Variants in EXOC1 observed in about 807,000 individuals in gnomAD.
The protein encoded by EXOC1 is exocyst complex component 1, also known as SEC3-like 1.
A neutral mutation model predicts 107.7 loss-of-function variants in EXOC1; 67 were observed. The observed-to-expected ratio is 0.62, with a 90% CI of 0.51 to 0.76. The LOEUF is 0.76. Among genes scored for constraint, EXOC1 ranks in the 30% least tolerant of loss-of-function variants. EXOC1 has a pLI of 0.00. For missense variants in EXOC1, 833 were observed against 1,055.7 expected, an observed-to-expected ratio of 0.79 and a Z score of 2.92; for synonymous variants, 348 against 353.5, an observed-to-expected ratio of 0.98 and a Z score of 0.17.
chr4:55,888,881 A>G lies in EXOC1; in HGVS notation c.1331-7A>G. 6.2e-7 allele frequency: 1 copy of G among 1,613,610 alleles called. No homozygotes were observed. The highest frequency in any genetic ancestry group is 2.2e-5 in the East Asian group (1 of 44,780). ...GTCTTTGATGCTTGCAACCTAATCC[A>G]TCACAGCTACACTGCCTCGAAAAGA... On this transcript the variant is annotated splice_polypyrimidine_tract_variant and splice_region_variant and intron_variant, in intron 10 of 18. Coordinates refer to ENST00000381295, the MANE Select transcript of EXOC1 (RefSeq NM_001024924.2).
At chr4:55,892,564 GC>G in intron 13 of EXOC1, 70 bp from the exon 14 acceptor site, 1 of 1,229,890 alleles carries the variant, frequency 8.1e-7, no homozygotes, top group Non-Finnish European at 1.2e-6. Flanking sequence ...GACTGAGCAG[GC>G]TTTTGCTATA....
intron 9 of EXOC1, among the ~76,000 whole-genome samples, chr4:55,878,472 C>T (rs934148289): frequency 1.8e-4 from 28 of 152,152 alleles, no homozygotes; most frequent in African/African-American, 5.1e-4. Flanking sequence ...TTCCAGGCAC[C>T]TGGGGCCTAC....
At chr4:55,898,928 ATGGAATTAC>A (rs1725561781) in intron 16 of EXOC1, among the ~76,000 whole-genome samples, 1 of 152,142 alleles carries the variant, frequency 6.6e-6, no homozygotes, top group South Asian at 2.1e-4. Flanking sequence ...ATTACTAGAA[ATGGAATTAC>A]TGGGTCAAAG....
intron 12 of EXOC1, 47 bp from the exon 13 acceptor site, chr4:55,891,268 C>T (rs759252390): frequency 1.8e-6 from 2 of 1,135,374 alleles, no homozygotes; most frequent in Non-Finnish European, 2.7e-6. Flanking sequence ...TTATTTTAAG[C>T]ATTTGGTGCA....
chr4:55,878,006 T>C lies in EXOC1; in HGVS notation c.1164T>C (p.Tyr388=), dbSNP rs1188008609. 2 of 1,613,906 alleles carry C rather than the reference T, an allele frequency of 1.2e-6. No individual in the cohort carries two copies. The highest frequency in any genetic ancestry group is 1.7e-6 in the Non-Finnish European group (2 of 1,179,876). The change falls in exon 9 of 19, where the codon TAT becomes TAC. Residue 388 remains tyrosine, a synonymous_variant. Transcript: ENST00000381295. ...CATTTCATAGAGATTTGCTCCGATA[T>C]GCCAAGCTGATGGAGTGGCTAAAGA... ...HHPFHRDLLR[Y]AKLMEWLKST...
chr4:55,878,040 T>A lies in EXOC1; in HGVS notation c.1198T>A (p.Tyr400Asn), dbSNP rs1329997677. 6.2e-7 allele frequency: 1 copy of A among 1,613,480 alleles called. No homozygotes were observed. Among genetic ancestry groups the A allele is most frequent in the Non-Finnish European group, 8.5e-7 (1 of 1,179,720 alleles). Reference protein sequence around the residue: ...KLMEWLKSTDYGKYEGLTKNY... With the variant: ...KLMEWLKSTDNGKYEGLTKNY... ...GATGGAGTGGCTAAAGAGTACAGAT[T>A]ATGGAAAATATGAAGGACTAACAAA... Residue 400 changes from tyrosine (Y) to asparagine (N), a missense_variant, in exon 9 of 19, where the codon TAT becomes AAT. Physicochemically the swap from Tyr to Asn is moderately radical, Grantham distance 143 (BLOSUM62 -2). Transcript: ENST00000381295.
intron 8 of EXOC1, among the ~76,000 whole-genome samples, chr4:55,872,465 G>T (rs1246493983): frequency 6.6e-6 from 1 of 151,904 alleles, no homozygotes; most frequent in Admixed American, 6.6e-5. Context: ...ATATGGAAAA[G>T]GATGTTATAA....
intron 12 of EXOC1, 30 bp downstream of exon 12, chr4:55,890,416 CA>C: frequency 6.3e-7 from 1 of 1,597,608 alleles, no homozygotes; most frequent in Non-Finnish European, 8.6e-7. Context: ...ACTTCTTAAA[CA>C]TTAACATTAG....
chr4:55,903,147 T>TAA (rs10544843), intron 18 of EXOC1, among the ~76,000 whole-genome samples: 4 of 98,508 alleles, frequency 4.1e-5, no homozygotes, highest in African/African-American at 6.7e-5. Context: ...GTGTCTCAAT[T>TAA]AAAAAAAAAA....
At chr4:55,889,794 G>A (rs1386109610) in intron 11 of EXOC1, among the ~76,000 whole-genome samples, 1 of 152,120 alleles carries the variant, frequency 6.6e-6, no homozygotes, top group African/African-American at 2.4e-5. Flanking sequence ...TTGAGATGCA[G>A]CAGTTTTCTT....
At chr4:55,857,797 A>C (rs529364008) in intron 1 of EXOC1, among the ~76,000 whole-genome samples, 1 of 152,116 alleles carries the variant, frequency 6.6e-6, no homozygotes, top group African/African-American at 2.4e-5. Flanking sequence ...TTACACCAAC[A>C]CTTGTTATTT....
chr4:55,857,231 T>C (rs1721077636), intron 1 of EXOC1, among the ~76,000 whole-genome samples: 2 of 136,722 alleles, frequency 1.5e-5, no homozygotes, highest in African/African-American at 5.5e-5. Flanking sequence ...CAGGCTGTAG[T>C]GCAGTGGCGC....
intron 18 of EXOC1, among the ~76,000 whole-genome samples, chr4:55,903,121 G>A (rs1174974588): frequency 7.0e-6 from 1 of 143,736 alleles, no homozygotes; most frequent in South Asian, 2.2e-4. Flanking sequence ...TCCAGCCTAC[G>A]CAACAGAGTG....
intron 9 of EXOC1, among the ~76,000 whole-genome samples, chr4:55,879,188 T>G (rs1447040931): frequency 6.6e-6 from 1 of 152,190 alleles, no homozygotes; most frequent in East Asian, 1.9e-4. Context: ...GATACAGCAT[T>G]GAAGGAAACA....
intron 17 of EXOC1, among the ~76,000 whole-genome samples, chr4:55,900,090 T>C (rs1015654938): frequency 1.3e-5 from 2 of 152,188 alleles, no homozygotes; most frequent in African/African-American, 4.8e-5. Flanking sequence ...ATACATTATT[T>C]ATCTACTATA....
At chr4:55,894,700 G>A (rs936871479) in intron 15 of EXOC1, among the ~76,000 whole-genome samples, 1 of 128,028 alleles carries the variant, frequency 7.8e-6, no homozygotes, top group Non-Finnish European at 1.6e-5. Flanking sequence ...TCGGCTCACC[G>A]CAACCTCCGC....
intron 17 of EXOC1, among the ~76,000 whole-genome samples, chr4:55,900,291 G>A (rs776132969): frequency 3.9e-5 from 6 of 151,926 alleles, no homozygotes; most frequent in East Asian, 1.9e-4. Context: ...AGGCTTTGCC[G>A]TTACTCTTTC....
chr4:55,866,481 T>C (rs1194025562), intron 4 of EXOC1, among the ~76,000 whole-genome samples: 1 of 152,156 alleles, frequency 6.6e-6, no homozygotes, highest in Non-Finnish European at 1.5e-5. Flanking sequence ...TGAGGGAGTG[T>C]CTGGGTAAAG....
chr4:55,865,141 C>A (rs2110323476), intron 4 of EXOC1, among the ~76,000 whole-genome samples: 1 of 152,150 alleles, frequency 6.6e-6, no homozygotes, highest in African/African-American at 2.4e-5. Flanking sequence ...TAAATATTAG[C>A]TATTATTATG....
Sources: gnomAD v4.1 joint callset for allele counts (sites outside exome capture counted in the v4.1 genomes callset) on GRCh38, gnomAD v4.1.1 for gene constraint, MANE v1.5 for transcripts, NCBI Gene and HGNC (gene_info 2026-07-23, HGNC 2026-07-21) for gene names.